KAT6A: variants seen among roughly 807,000 people sequenced by gnomAD.
KAT6A encodes histone acetyltransferase KAT6A.
In KAT6A, 9 loss-of-function variants were observed where a neutral mutation model predicts 198.4. The ratio of observed to expected loss-of-function variants is 0.05; its 90% confidence interval spans 0.03 to 0.08. KAT6A has a LOEUF of 0.08. Ranked by LOEUF, KAT6A falls within the 10% of genes least tolerant of loss-of-function variation. The pLI, the probability that KAT6A is intolerant of heterozygous loss-of-function variation, is 1.00. For synonymous variants in KAT6A, 890 were observed against 883.0 expected (o/e 1.01, Z -0.14); for missense variants, 2,077 against 2,509.9 (o/e 0.83, Z 3.69).
Position 42,031,038 on chromosome 8 carries a change from A to AAGG in KAT6A, c.600+17339_600+17340insCCT, listed in dbSNP as rs35595569. 9.4e-3 allele frequency among the ~76,000 whole-genome samples: 1,060 copies of AAGG among 113,348 alleles called. 49 individuals are homozygous for AAGG. The highest frequency in any genetic ancestry group is 0.05 in the East Asian group (179 of 3,558). 74.4% of individuals were successfully genotyped at this position (113,348 alleles called of 152,430 possible). On this transcript the variant is annotated intron_variant, in intron 2 of 16. Transcript: ENST00000265713. ...ATGCTGCCAAATGCAAAAAAAAAAA[A>AAGG]GGGGGGGGGGACAGGAGAAATGTAT... is the stretch of plus-strand genomic sequence containing the variant.
At chr8:42,045,087 G>A (rs550707953) in intron 2 of KAT6A, among the ~76,000 whole-genome samples, 1 of 152,032 alleles carries the variant, frequency 6.6e-6, no homozygotes, top group Non-Finnish European at 1.5e-5. Flanking sequence ...ATATCTTTGG[G>A]GGAAGTCACA....
rs1160032432 is a variant in KAT6A, at chr8:42,051,691, GAGCA to G, written c.-326+206_-326+209del. Among the ~76,000 whole-genome samples the G allele has an allele frequency of 2.3e-3, 337 of 145,494 alleles. 1 individual carries two copies. Among genetic ancestry groups the G allele is most frequent in the African/African-American group, 8.0e-3 (326 of 40,740 alleles). ...CGGGGCAGCCGGGCGCCGAACAAGC[GAGCA>G]AGCGAGCGAGCGAGCGGGCGGGCGC... is the stretch of plus-strand genomic sequence containing the variant. On this transcript the variant is annotated intron_variant, in intron 1 of 16. Transcript: ENST00000265713.
chr8:41,989,943 T>C (rs1375648657), intron 2 of KAT6A, among the ~76,000 whole-genome samples: 1 of 152,136 alleles, frequency 6.6e-6, no homozygotes, highest in African/African-American at 2.4e-5. Context: ...TTAATAATTA[T>C]GGCTTAATCA....
Position 41,977,066 on chromosome 8 carries a change from C to A in KAT6A, c.1305G>T (p.Glu435Asp), listed in dbSNP as rs1374106528. ...KARGEVVDYS[E>D]QYRIRKRGNR... ...TGCCCCTCTTTCTGATTCGATATTG[C>A]TCAGAGTAGTCCACCACTTCCCCCC... Residue 435 changes from glutamate to aspartate, a missense_variant, in exon 7 of 17, where the codon GAG becomes GAT. By Grantham distance (45) the Glu-to-Asp change is conservative. Around this residue, in one of 13 missense-constraint regions of KAT6A, gnomAD observed 206 missense variants for 214.9 expected, o/e 0.96. Transcript: ENST00000265713. The A allele has an allele frequency of 1.9e-6, 3 of 1,614,078 alleles. No homozygotes were observed. The highest frequency in any genetic ancestry group is 2.5e-6 in the Non-Finnish European group (3 of 1,179,980).
chr8:41,953,826 T>C (rs561273807), intron 9 of KAT6A, among the ~76,000 whole-genome samples: 1 of 152,206 alleles, frequency 6.6e-6, no homozygotes, highest in Non-Finnish European at 1.5e-5. Context: ...TGAGTTAACT[T>C]GAACGCTGAG....
At chr8:42,021,524 A>G (rs979729875) in intron 2 of KAT6A, among the ~76,000 whole-genome samples, 7 of 152,212 alleles carry the variant, frequency 4.6e-5, no homozygotes, top group African/African-American at 1.7e-4. Flanking sequence ...GCTCATGGAG[A>G]ATTAAGTAAT....
chr8:42,014,890 G>A (rs556942658), intron 2 of KAT6A, among the ~76,000 whole-genome samples: 16 of 152,118 alleles, frequency 1.1e-4, no homozygotes, highest in South Asian at 2.1e-4. Flanking sequence ...GAAATACTTC[G>A]GTACATGCAG....
chr8:41,941,221 A>C lies in KAT6A; in HGVS notation c.2660T>G (p.Leu887Arg), dbSNP rs1188374858. The stretch of plus-strand genomic sequence containing the variant: ...AGGAGCTGAAGACGTCTCTTCCAAG[A>C]GCAGTTTAGAATCTTTATCACCAAA... ...ERFGDKDSKL[L>R]LEETSSAPQE... is the part of the protein sequence containing the mutation. The change falls in exon 15 of 17, where the codon CTC (leucine) becomes CGC (arginine). Residue 887 changes from leucine to arginine, a missense_variant. Transcript: ENST00000265713. The C allele has an allele frequency of 6.2e-7, 1 of 1,614,088 alleles. No individual in the cohort carries two copies. Among genetic ancestry groups the C allele is most frequent in the Non-Finnish European group, 8.5e-7 (1 of 1,180,014 alleles).
At chr8:41,968,553 G>A (rs1181416932) in intron 8 of KAT6A, among the ~76,000 whole-genome samples, 1 of 152,152 alleles carries the variant, frequency 6.6e-6, no homozygotes, top group Non-Finnish European at 1.5e-5. Context: ...CAACCACTGT[G>A]GAAGTCAGTG....
intron 2 of KAT6A, among the ~76,000 whole-genome samples, chr8:42,021,972 T>C (rs1826559331): frequency 6.6e-6 from 1 of 152,146 alleles, no homozygotes; most frequent in East Asian, 1.9e-4. Context: ...TTTTAATTAT[T>C]GCACAAGTTT....
chr8:41,942,412 C>T lies in KAT6A; in HGVS notation c.2436+381G>A, dbSNP rs1822185484. The T allele has an allele frequency of 1.5e-5, 4 of 270,188 alleles. 1 individual carries two copies. The highest frequency in any genetic ancestry group is 2.9e-5 in the Non-Finnish European group (4 of 139,780). The allele number at this position is 270,188 out of a possible 1,614,324, so 16.7% of individuals were successfully genotyped here. A position where few individuals can be genotyped will look rare whatever the true frequency, so the allele number is the denominator to read the frequency against. The stretch of plus-strand genomic sequence containing the variant: ...CCTCCCGCCTGGGCCTCCTAAAGCG[C>T]TGAGATTACAGGCATGAAACACCAC... On this transcript the variant is annotated intron_variant, in intron 14 of 16. Coordinates refer to ENST00000265713, the MANE Select transcript of KAT6A (RefSeq NM_006766.5).
chr8:41,937,500 T>C lies in KAT6A; in HGVS notation c.3108A>G (p.Glu1036=). The C allele has an allele frequency of 6.2e-7, 1 of 1,614,198 alleles. No individual in the cohort carries two copies. The highest frequency in any genetic ancestry group is 8.5e-7 in the Non-Finnish European group (1 of 1,180,012). ...RKHHNSSVVT[E]TISETTEVLD... Reference sequence around the variant, plus strand: ...ACACTTCAGTGGTCTCAGAAATAGTTTCTGTGACTACACTGCTATTGTGGT... The same window carrying C: ...ACACTTCAGTGGTCTCAGAAATAGTCTCTGTGACTACACTGCTATTGTGGT... The change falls in exon 16 of 17, where the codon GAA becomes GAG. Residue 1036 remains glutamate, a synonymous_variant. Coordinates refer to ENST00000265713, the MANE Select transcript of KAT6A (RefSeq NM_006766.5).
At chr8:41,964,591 G>A (rs73675192) in intron 8 of KAT6A, among the ~76,000 whole-genome samples, 3,640 of 144,710 alleles carry the variant, frequency 0.025, 128 homozygotes, top group African/African-American at 0.087. Flanking sequence ...CAGGATGCTC[G>A]ACGGCTAAGC....
rs781613058 is a variant in KAT6A at position 41,934,523 on chromosome 8, C to T, written c.3697G>A (p.Ala1233Thr). The T allele has an allele frequency of 1.2e-6, 2 of 1,613,800 alleles. No homozygotes were observed. The highest frequency in any genetic ancestry group is 2.2e-5 in the East Asian group (1 of 44,848). ...RKEEEEMQAEAEEAEEGEEED... is the reference protein window; with the variant it reads ...RKEEEEMQAETEEAEEGEEED... ...TCCTCACCCTCTTCAGCCTCTTCTGCCTCTGCTTGCATCTCCTCCTCCTCC... is the reference window on the plus strand; with the variant it reads ...TCCTCACCCTCTTCAGCCTCTTCTGTCTCTGCTTGCATCTCCTCCTCCTCC... The change falls in exon 17 of 17, where the codon GCA becomes ACA. Residue 1233 changes from alanine to threonine, a missense_variant. Around this residue, in one of 13 missense-constraint regions of KAT6A, gnomAD observed 375 missense variants for 383.0 expected, o/e 0.98. Coordinates refer to ENST00000265713, the MANE Select transcript of KAT6A (RefSeq NM_006766.5).
chr8:41,944,824 TATTA>T (rs1178244914), intron 12 of KAT6A, among the ~76,000 whole-genome samples: 1 of 152,150 alleles, frequency 6.6e-6, no homozygotes, highest in Non-Finnish European at 1.5e-5. Context: ...CAAAACAATA[TATTA>T]ACATTAAAGG....
At chr8:42,025,830 C>A (rs1364334986) in intron 2 of KAT6A, among the ~76,000 whole-genome samples, 1 of 152,142 alleles carries the variant, frequency 6.6e-6, no homozygotes, top group African/African-American at 2.4e-5. Flanking sequence ...AAATCTTTGC[C>A]TGTATCAATG....
intron 15 of KAT6A, among the ~76,000 whole-genome samples, chr8:41,939,459 G>A (rs115182460): frequency 0.015 from 2,283 of 152,208 alleles, 56 homozygotes; most frequent in African/African-American, 0.052. Context: ...GTGCACTACA[G>A]CCTCCAGCTC....
At chr8:42,046,628 C>A (rs906935141) in intron 2 of KAT6A, among the ~76,000 whole-genome samples, 4 of 152,180 alleles carry the variant, frequency 2.6e-5, no homozygotes, top group African/African-American at 9.7e-5. Flanking sequence ...TAAATTATTT[C>A]CTGTTTCCAG....
At chr8:42,037,771 A>T (rs766928987) in intron 2 of KAT6A, among the ~76,000 whole-genome samples, 5 of 152,040 alleles carry the variant, frequency 3.3e-5, no homozygotes, top group Non-Finnish European at 7.4e-5. Flanking sequence ...ATAATCTTAA[A>T]ATCGCCCAGT....
Sources: allele counts gnomAD v4.1 joint callset (sites outside exome capture counted in the v4.1 genomes callset), GRCh38; gene constraint gnomAD v4.1.1; regional missense constraint gnomAD v4.1.1; transcripts MANE v1.5; gene names NCBI Gene and HGNC (gene_info 2026-07-23, HGNC 2026-07-21).